Variants in ZBBX observed in about 807,000 individuals in gnomAD.
ZBBX encodes the protein zinc finger B-box domain containing.
A neutral mutation model predicts 108.5 loss-of-function variants in ZBBX; 101 were observed. That is an observed-to-expected ratio of 0.93 (90% CI 0.79 to 1.10). The LOEUF (loss-of-function observed/expected upper bound fraction) is 1.10. Among genes scored for constraint, ZBBX ranks in the 50% least tolerant of loss-of-function variants. ZBBX has a pLI of 0.00. For synonymous variants in ZBBX, 356 were observed against 323.4 expected (o/e 1.10, Z -1.08); for missense variants, 1,009 against 941.4 (o/e 1.07, Z -0.94).
In ZBBX at chr3:167,327,953, G is replaced by A. The variant is rs150765050; in HGVS notation, c.851C>T (p.Ala284Val). 5.3e-3 allele frequency: 8,382 copies of A among 1,586,376 alleles called. 121 individuals carry two copies. The highest frequency in any genetic ancestry group is 0.052 in the Admixed American group (2,863 of 54,642). Reference sequence around the variant, plus strand: ...AAAAAAAGCCATACCTTTTACTGCTGCATGTAAATTCTGTTTCTTGTTGTC... The same window carrying A: ...AAAAAAAGCCATACCTTTTACTGCTACATGTAAATTCTGTTTCTTGTTGTC... ...HDDNKKQNLH[A>V]AVKDSLEECE... The change falls in exon 11 of 22, where the codon GCA becomes GTA. Residue 284 changes from alanine (A) to valine (V), a missense_variant. By Grantham distance (64) the Ala-to-Val change is moderately conservative. Transcript: ENST00000675490.
intron 9 of ZBBX, among the ~76,000 whole-genome samples, chr3:167,334,756 CATAA>C (rs1273599292): frequency 6.6e-6 from 1 of 151,798 alleles, no homozygotes; most frequent in Non-Finnish European, 1.5e-5. Context: ...TTGTGCACAT[CATAA>C]ATAAAGAACT....
chr3:167,190,800 C>T, the ZBBX span, among the ~76,000 whole-genome samples: 1 of 152,160 alleles, frequency 6.6e-6, no homozygotes, highest in African/African-American at 2.4e-5. Context: ...GAGGTGGGGG[C>T]ACAGAGTGCT....
At position 167,244,387 on chromosome 3, in the gene ZBBX, C is replaced by T. The variant is rs115876120; in HGVS notation, c.2255-1744G>A. ...CTGGTAGAATTACAGTACTGAAACC[C>T]AACAGCAATGCTTTGATCTAAAGAA... On this transcript the variant is annotated intron_variant, in intron 20 of 21. Coordinates refer to ENST00000675490, the MANE Select transcript of ZBBX (RefSeq NM_001199201.2). Among the ~76,000 whole-genome samples the T allele has an allele frequency of 4.0e-3, 605 of 152,230 alleles. 2 individuals are homozygous for T. Among genetic ancestry groups the T allele is most frequent in the African/African-American group, 0.014 (582 of 41,538 alleles).
intron 1 of ZBBX, among the ~76,000 whole-genome samples, chr3:167,405,600 T>C (rs149941105): frequency 6.6e-6 from 1 of 152,078 alleles, no homozygotes; most frequent in African/African-American, 2.4e-5. Flanking sequence ...AATATGAAGG[T>C]GAAGAAAAAC....
chr3:167,326,332 A>T (rs572229378), intron 11 of ZBBX, among the ~76,000 whole-genome samples: 1 of 152,250 alleles, frequency 6.6e-6, no homozygotes, highest in South Asian at 2.1e-4. Context: ...AACTATGGTT[A>T]TTGAAAAACA....
chr3:167,303,890 T>G (rs1019928453), intron 17 of ZBBX, among the ~76,000 whole-genome samples: 1 of 152,332 alleles, frequency 6.6e-6, no homozygotes, highest in Middle Eastern at 3.4e-3. Flanking sequence ...TGTACTTTGT[T>G]ATTTCACAAT....
At chr3:167,239,483 T>C (rs1720374267), downstream of ZBBX, among the ~76,000 whole-genome samples, 1 of 152,004 alleles carries the variant, frequency 6.6e-6, no homozygotes, top group Non-Finnish European at 1.5e-5. Context: ...AAGACAATGG[T>C]GAAGATTTTA....
chr3:167,264,694 T>C (rs908268009), intron 20 of ZBBX, among the ~76,000 whole-genome samples: 11 of 152,260 alleles, frequency 7.2e-5, no homozygotes, highest in African/African-American at 2.4e-4. Context: ...CTTTTTTCTG[T>C]GTTTATACCA....
chr3:167,280,424 C>T (rs2108517522), intron 20 of ZBBX, among the ~76,000 whole-genome samples: 1 of 150,726 alleles, frequency 6.6e-6, no homozygotes, highest in South Asian at 2.1e-4. Context: ...ACAAACAACC[C>T]CATCAAAAAG....
chr3:167,360,991 C>G (rs1744415968), intron 6 of ZBBX, among the ~76,000 whole-genome samples: 1 of 151,714 alleles, frequency 6.6e-6, no homozygotes, highest in African/African-American at 2.4e-5. Context: ...TAAACAAAAA[C>G]CATTATATCT....
upstream of ZBBX, among the ~76,000 whole-genome samples, chr3:167,384,049 G>C (rs2108633812): frequency 6.6e-6 from 1 of 152,162 alleles, no homozygotes; most frequent in African/African-American, 2.4e-5. Context: ...ATTCACAATG[G>C]AAACTGTGAA....
intron 10 of ZBBX, 140 bp from the exon 11 acceptor site, chr3:167,328,256 A>C: frequency 1.2e-6 from 1 of 861,910 alleles, no homozygotes; most frequent in South Asian, 2.1e-5. Flanking sequence ...TTTTAAACTT[A>C]GAATATTTTT....
intron 12 of ZBBX, among the ~76,000 whole-genome samples, chr3:167,321,629 G>A (rs965208117): frequency 1.3e-5 from 2 of 151,824 alleles, no homozygotes; most frequent in Non-Finnish European, 2.9e-5. Flanking sequence ...TCAGATCTAC[G>A]AAAAAATAAC....
intron 20 of ZBBX, among the ~76,000 whole-genome samples, chr3:167,271,488 C>G (rs555606076): frequency 5.9e-5 from 9 of 152,150 alleles, no homozygotes; most frequent in African/African-American, 1.9e-4. Flanking sequence ...AAATAGGGGC[C>G]AAAGAAAACT....
intron 16 of ZBBX, among the ~76,000 whole-genome samples, chr3:167,307,513 G>T (rs1331633976): frequency 6.6e-6 from 1 of 151,976 alleles, no homozygotes; most frequent in East Asian, 1.9e-4. Flanking sequence ...AATAGCTAAG[G>T]CAATCCTAAG....
At chr3:167,218,802 G>C in the ZBBX span, among the ~76,000 whole-genome samples, 1 of 151,912 alleles carries the variant, frequency 6.6e-6, no homozygotes, top group Non-Finnish European at 1.5e-5. Flanking sequence ...GCATATAAAT[G>C]GACTAAGCTC....
intron 6 of ZBBX, among the ~76,000 whole-genome samples, chr3:167,364,657 A>T (rs1043569600): frequency 2.0e-5 from 3 of 152,068 alleles, no homozygotes; most frequent in Non-Finnish European, 4.4e-5. Flanking sequence ...AAAGGAAAAG[A>T]AGCGAAACTG....
intron 20 of ZBBX, among the ~76,000 whole-genome samples, chr3:167,276,656 T>C (rs889776839): frequency 8.5e-5 from 13 of 152,190 alleles, no homozygotes. Context: ...CGGAACCAAG[T>C]TGGAAAACAC....
At chr3:167,222,206 T>C in the ZBBX span, among the ~76,000 whole-genome samples, 6 of 108,092 alleles carry the variant, frequency 5.6e-5, no homozygotes, top group South Asian at 7.6e-4. Context: ...ATATACATAA[T>C]GGAGTACTAT....
Sources: gnomAD v4.1 joint callset for allele counts (sites outside exome capture counted in the v4.1 genomes callset) on GRCh38, gnomAD v4.1.1 for gene constraint, MANE v1.5 for transcripts, NCBI Gene and HGNC (gene_info 2026-07-23, HGNC 2026-07-21) for gene names.